Variants in UNC13C observed in about 807,000 individuals in gnomAD.
UNC13C encodes the protein unc-13 homolog C.
A neutral mutation model predicts 245.4 loss-of-function variants in UNC13C; 174 were observed. The observed-to-expected ratio is 0.71, with a 90% CI of 0.63 to 0.80. UNC13C has a LOEUF of 0.80. UNC13C is among the 30% of genes least tolerant of loss of function. The probability of loss-of-function intolerance (pLI) is 0.00; values close to 1 mark genes in which losing one functional copy is unlikely to be tolerated. For synonymous variants in UNC13C, 992 were observed against 895.1 expected (o/e 1.11, Z -1.93); for missense variants, 2,829 against 2,602.9 (o/e 1.09, Z -1.89).
the UNC13C span, among the ~76,000 whole-genome samples, chr15:53,893,102 G>C: frequency 3.3e-5 from 5 of 152,162 alleles, no homozygotes; most frequent in Non-Finnish European, 5.9e-5. Flanking sequence ...CCTTCTAACA[G>C]TCAGGCTCCT....
At chr15:54,046,657 C>CT (rs1897050719) in intron 2 of UNC13C, among the ~76,000 whole-genome samples, 1 of 150,986 alleles carries the variant, frequency 6.6e-6, no homozygotes, top group South Asian at 2.1e-4. Context: ...CTTTTTTTTA[C>CT]TTTTTTATTG....
At chr15:53,950,785 G>A in the UNC13C span, among the ~76,000 whole-genome samples, 2 of 151,880 alleles carry the variant, frequency 1.3e-5, no homozygotes, top group East Asian at 3.9e-4. Context: ...CTCAGGGTTG[G>A]CATTAGGTTA....
rs571228310 is a variant in UNC13C at position 54,291,952 on chromosome 15, C to A, written c.3819-1943C>A. 3.9e-5 allele frequency among the ~76,000 whole-genome samples: 6 copies of A among 152,046 alleles called. No individual in the cohort carries two copies. In the South Asian group the frequency reaches 1.2e-3, roughly 32 times the overall value. ...GCTTGGATACAACTACCCTAGAATA[C>A]ATAGTAGACACTGGCTTTCACTGTT... On this transcript the variant is annotated intron_variant, in intron 10 of 32. Coordinates refer to ENST00000260323, the MANE Select transcript of UNC13C (RefSeq NM_001080534.3).
chr15:54,054,030 T>C (rs918917958), intron 2 of UNC13C, among the ~76,000 whole-genome samples: 1 of 152,244 alleles, frequency 6.6e-6, no homozygotes, highest in Non-Finnish European at 1.5e-5. Flanking sequence ...CGTCTGATGA[T>C]AGACACTTAG....
chr15:53,897,727 A>C, the UNC13C span, among the ~76,000 whole-genome samples: 3 of 152,154 alleles, frequency 2.0e-5, no homozygotes, highest in African/African-American at 7.2e-5. Context: ...CTATCCCTTA[A>C]ATGACACTCT....
intron 1 of UNC13C, among the ~76,000 whole-genome samples, chr15:53,985,495 A>G (rs1388946426): frequency 1.3e-5 from 2 of 151,752 alleles, no homozygotes; most frequent in Non-Finnish European, 2.9e-5. Context: ...GTATACATGA[A>G]CTGTCTACCA....
chr15:54,134,442 T>TGTG (rs2031621635), intron 2 of UNC13C, among the ~76,000 whole-genome samples: 2 of 130,660 alleles, frequency 1.5e-5, no homozygotes, highest in African/African-American at 2.9e-5. Flanking sequence ...GTGTGTGCGT[T>TGTG]TGTGTGTGTA....
At chr15:53,840,517 T>C in the UNC13C span, among the ~76,000 whole-genome samples, 1 of 152,094 alleles carries the variant, frequency 6.6e-6, no homozygotes, top group Non-Finnish European at 1.5e-5. Context: ...CAGAGGACTG[T>C]AAGACTTGAG....
chr15:53,941,204 G>T, the UNC13C span, among the ~76,000 whole-genome samples: 1 of 152,266 alleles, frequency 6.6e-6, no homozygotes, highest in Non-Finnish European at 1.5e-5. Flanking sequence ...ATGAGAAAAT[G>T]ATCCCCTATT....
intron 2 of UNC13C, among the ~76,000 whole-genome samples, chr15:54,054,169 G>C (rs1186518341): frequency 1.3e-5 from 2 of 152,136 alleles, no homozygotes; most frequent in Non-Finnish European, 2.9e-5. Context: ...GTATATCATA[G>C]CTCTATTTTT....
At chr15:54,138,262 T>C (rs761864358) in intron 2 of UNC13C, among the ~76,000 whole-genome samples, 1 of 152,126 alleles carries the variant, frequency 6.6e-6, no homozygotes, top group Non-Finnish European at 1.5e-5. Context: ...ATATATTCTG[T>C]TGCTGTTGGG....
intron 4 of UNC13C, among the ~76,000 whole-genome samples, chr15:54,164,104 A>C (rs999535760): frequency 9.2e-5 from 14 of 152,306 alleles, no homozygotes; most frequent in African/African-American, 3.1e-4. Flanking sequence ...CATTATGTGT[A>C]AGTATATTAA....
the UNC13C span, among the ~76,000 whole-genome samples, chr15:53,848,263 A>G: frequency 6.6e-6 from 1 of 151,640 alleles, no homozygotes; most frequent in East Asian, 1.9e-4. Context: ...TCTTATTTTT[A>G]TAGGGTCTTT....
At chr15:54,379,707 G>A (rs1056541200) in intron 17 of UNC13C, among the ~76,000 whole-genome samples, 14 of 152,202 alleles carry the variant, frequency 9.2e-5, no homozygotes, top group East Asian at 7.7e-4. Flanking sequence ...GAGAAGATCC[G>A]TGGACCAGAC....
intron 2 of UNC13C, among the ~76,000 whole-genome samples, chr15:54,094,938 A>T (rs981946694): frequency 1.3e-5 from 2 of 152,158 alleles, no homozygotes; most frequent in Non-Finnish European, 2.9e-5. Flanking sequence ...CTTATCCCTG[A>T]GGTATCTATC....
intron 8 of UNC13C, among the ~76,000 whole-genome samples, chr15:54,256,616 C>T (rs1253391935): frequency 6.6e-6 from 1 of 152,090 alleles, no homozygotes; most frequent in Non-Finnish European, 1.5e-5. Flanking sequence ...TTACTCACCC[C>T]ATAGTCACTT....
chr15:54,429,907 A>G (rs1198784197), intron 19 of UNC13C, among the ~76,000 whole-genome samples: 14 of 151,696 alleles, frequency 9.2e-5, no homozygotes, highest in Admixed American at 3.3e-4. Flanking sequence ...ATAAAACTGA[A>G]TTTTAATGGT....
At chr15:54,164,368 A>C (rs2033090577) in intron 4 of UNC13C, among the ~76,000 whole-genome samples, 1 of 152,300 alleles carries the variant, frequency 6.6e-6, no homozygotes, top group African/African-American at 2.4e-5. Flanking sequence ...ATTGTATATA[A>C]CGTTTTCCTA....
chr15:53,891,370 C>G, the UNC13C span, among the ~76,000 whole-genome samples: 8 of 152,150 alleles, frequency 5.3e-5, no homozygotes, highest in Non-Finnish European at 1.2e-4. Flanking sequence ...CTGTGCATAT[C>G]TATTAGGTCC....
Sources: allele counts gnomAD v4.1 joint callset (sites outside exome capture counted in the v4.1 genomes callset), GRCh38; gene constraint gnomAD v4.1.1; transcripts MANE v1.5; gene names NCBI Gene and HGNC (gene_info 2026-07-23, HGNC 2026-07-21).